GALK1: variants seen among roughly 807,000 people sequenced by gnomAD.
The protein encoded by GALK1 is galactokinase 1.
In GALK1, 30 loss-of-function variants were observed where a neutral mutation model predicts 38.6. The observed-to-expected ratio is 0.78, with a 90% confidence interval of 0.58 to 1.05. GALK1 has a LOEUF of 1.05. Ranked by LOEUF, GALK1 falls within the 50% of genes least tolerant of loss-of-function variation. The pLI is 0.00. For missense variants in GALK1, 512 were observed against 540.5 expected (o/e 0.95, Z 0.52); for synonymous variants, 240 against 233.6 (o/e 1.03, Z -0.25).
downstream of GALK1, chr17:75,757,516 C>T (rs1325482272): frequency 4.3e-6 from 7 of 1,613,326 alleles, no homozygotes; most frequent in African/African-American, 8.0e-5. Flanking sequence ...CCAGCGGAAC[C>T]CTTAGCACCC....
In GALK1 at chr17:75,763,979, T is replaced by C. The variant is rs2061599258; in HGVS notation, c.273A>G (p.Pro91=). The change falls in exon 2 of 8, where the codon CCA becomes CCG. Residue 91 remains proline, a synonymous_variant. Transcript: ENST00000588479. ...GADEPQRLQF[P]LPTAQRSLEP... is the part of the protein sequence containing the mutation. ...CCAGCGAGCGCTGGGCTGTGGGCAGTGGAAACTGCAGCCGCTGGGGCTCAT... is the reference window on the plus strand; with the variant it reads ...CCAGCGAGCGCTGGGCTGTGGGCAGCGGAAACTGCAGCCGCTGGGGCTCAT... 3 of 1,612,456 alleles carry C rather than the reference T, an allele frequency of 1.9e-6. No homozygotes were observed. The highest frequency in any genetic ancestry group is 1.3e-5 in the African/African-American group (1 of 74,798).
rs61735288 is a variant in GALK1 at position 75,752,477 on chromosome 17, C to T, written c.*23-740G>A. 5,333 of 1,613,638 alleles carry T rather than the reference C, an allele frequency of 3.3e-3. 10 individuals carry two copies. Among genetic ancestry groups the T allele is most frequent in the Non-Finnish European group, 3.7e-3 (4,365 of 1,180,020 alleles). ...TCATCCCTGACATCCCTATCGTGGA[C>T]GCCCAGAGCGGGGAGGACTACGACA... On this transcript the variant is annotated intron_variant, in intron 8 of 8. Coordinates refer to the GALK1 transcript ENST00000225614.
Position 75,764,074 on chromosome 17 carries a change from T to G in GALK1, c.178A>C (p.Met60Leu). The G allele has an allele frequency of 6.3e-7, 1 of 1,583,152 alleles. No individual in the cohort carries two copies. Among genetic ancestry groups the G allele is most frequent in the South Asian group, 1.1e-5 (1 of 88,210 alleles). Residue 60 changes from methionine to leucine, a missense_variant, in exon 2 of 8, where the codon ATG (methionine) becomes CTG (leucine). Met to Leu is a conservative substitution (Grantham distance 15). Transcript: ENST00000588479. Reference protein sequence around the residue: ...GLVLPMALELMTVLVGSPRKD... With the variant: ...GLVLPMALELLTVLVGSPRKD... ...CGGGGGCTGCCCACCAGCACCGTCA[T>G]GAGCTCCAGAGCCTGGCAGGAGAGA...
downstream of GALK1, chr17:75,755,868 C>T (rs769557830): frequency 5.4e-5 from 87 of 1,598,340 alleles, no homozygotes; most frequent in Non-Finnish European, 7.3e-5. Flanking sequence ...ATGGTGGCTG[C>T]CAGGCTGCGG....
At chr17:75,762,615 A>G in intron 5 of GALK1, 89 bp downstream of exon 5, 11 of 1,386,584 alleles carry the variant, frequency 7.9e-6, no homozygotes, top group South Asian at 1.2e-5. Context: ...GGCCCTGGAG[A>G]TCGGGGTCCC....
At chr17:75,755,229 C>T, downstream of GALK1, 1 of 1,596,124 alleles carries the variant, frequency 6.3e-7, no homozygotes, top group Non-Finnish European at 8.6e-7. Flanking sequence ...ACAGGGGTGG[C>T]CATCCTGTCT....
intron 5 of GALK1, among the ~76,000 whole-genome samples, chr17:75,759,907 G>T (rs1375646385): frequency 6.6e-6 from 1 of 152,198 alleles, no homozygotes; most frequent in Non-Finnish European, 1.5e-5. Context: ...AATCTGTCCA[G>T]ATGGGGTTCA....
Position 75,759,389 on chromosome 17 carries a change from C to CTGCAT in GALK1, c.794-791_794-790insATGCA, listed in dbSNP as rs552186460. 1.3e-4 allele frequency among the ~76,000 whole-genome samples: 19 copies of CTGCAT among 150,634 alleles called. No individual in the cohort carries two copies. In the South Asian group the frequency reaches 4.0e-3, roughly 32 times the overall value. Reference sequence around the variant, plus strand: ...GTTGCAGTGAGTGGAGATCATGCCACTGCACTTCAGCCTGGGTGACAGAGT... The same window carrying CTGCAT: ...GTTGCAGTGAGTGGAGATCATGCCACTGCATTGCACTTCAGCCTGGGTGACAGAGT... On this transcript the variant is annotated intron_variant, in intron 5 of 7. Coordinates refer to ENST00000588479, the MANE Select transcript of GALK1 (RefSeq NM_000154.2).
At position 75,765,065 on chromosome 17, in the gene GALK1, GAACT is replaced by G; in HGVS notation, c.68_71del (p.Glu23AlafsTer37). ...ACACGGCCAGCTCGGGCTCGGCCCCGAACTCCTCCCGGAAGGCTCGCCGGGCCTC... is the reference window on the plus strand; with the variant it reads ...ACACGGCCAGCTCGGGCTCGGCCCCGCCTCCCGGAAGGCTCGCCGGGCCTC... On this transcript the variant is annotated frameshift_variant, in exon 1 of 8. Coordinates refer to ENST00000588479, the MANE Select transcript of GALK1 (RefSeq NM_000154.2). LOFTEE classifies it high-confidence loss of function. 1 of 1,602,184 alleles carries G rather than the reference GAACT, an allele frequency of 6.2e-7. No homozygotes were observed. The highest frequency in any genetic ancestry group is 1.1e-5 in the South Asian group (1 of 89,638).
chr17:75,763,479 T>A (rs770495951), intron 2 of GALK1, 40 bp from the exon 3 acceptor site: 10 of 1,556,856 alleles, frequency 6.4e-6, no homozygotes, highest in Middle Eastern at 1.9e-4. Context: ...AGGGGCTGCC[T>A]GGGAGGATGG....
downstream of GALK1, chr17:75,755,337 C>T (rs2061472055): frequency 5.8e-6 from 6 of 1,030,928 alleles, no homozygotes; most frequent in Non-Finnish European, 7.0e-6. Context: ...CCCCCGCCTG[C>T]CCACAGGCGC....
intron 5 of GALK1, among the ~76,000 whole-genome samples, chr17:75,761,800 C>T (rs1037988029): frequency 6.6e-6 from 1 of 150,466 alleles, no homozygotes; most frequent in Non-Finnish European, 1.5e-5. Context: ...GGAGGATCAC[C>T]TGAGGTCAGG....
At position 75,764,098 on chromosome 17, in the gene GALK1, G is replaced by A. The variant is rs781159109; in HGVS notation, c.166-12C>T. ...ATGAGCTCCAGAGCCTGGCAGGAGAGACAAGCAGTACGTGAGGCTTCCGCC... is the reference window on the plus strand; with the variant it reads ...ATGAGCTCCAGAGCCTGGCAGGAGAAACAAGCAGTACGTGAGGCTTCCGCC... On this transcript the variant is annotated splice_polypyrimidine_tract_variant and intron_variant, in intron 1 of 7. Transcript: ENST00000588479. The A allele has an allele frequency of 1.3e-6, 2 of 1,568,000 alleles. No individual in the cohort carries two copies. Among genetic ancestry groups the A allele is most frequent in the Non-Finnish European group, 8.6e-7 (1 of 1,161,362 alleles).
downstream of GALK1, chr17:75,756,327 T>C: frequency 3.1e-6 from 4 of 1,285,794 alleles, no homozygotes; most frequent in Non-Finnish European, 3.3e-6. Flanking sequence ...TAGTCCTGGG[T>C]GGGTGATAAC....
downstream of GALK1, chr17:75,757,175 T>C (rs766519076): frequency 6.2e-7 from 1 of 1,611,996 alleles, no homozygotes; most frequent in Non-Finnish European, 8.5e-7. Flanking sequence ...CACCACCCTC[T>C]GACTGGCCTA....
At chr17:75,754,426 C>T (rs2061439485), downstream of GALK1, 3 of 945,282 alleles carry the variant, frequency 3.2e-6, no homozygotes, top group South Asian at 2.8e-5. Flanking sequence ...GACAGAGGGC[C>T]TCTGTCCCTA....
At chr17:75,755,931 G>C, downstream of GALK1, 1 of 1,520,442 alleles carries the variant, frequency 6.6e-7, no homozygotes, top group Middle Eastern at 2.3e-4. Flanking sequence ...TACCTCAGCT[G>C]TGTCAGGAAC....
chr17:75,757,492 C>T, downstream of GALK1: 1 of 1,613,022 alleles, frequency 6.2e-7, no homozygotes. Flanking sequence ...AGTTTGTGAG[C>T]CGGACACTGA....
At position 75,758,036 on chromosome 17, in the gene GALK1, T is replaced by G. The variant is rs541755348; in HGVS notation, c.*20A>C. 2 of 1,612,186 alleles carry G rather than the reference T, an allele frequency of 1.2e-6. No individual in the cohort carries two copies. Among genetic ancestry groups the G allele is most frequent in the South Asian group, 2.2e-5 (2 of 91,056 alleles). ...GCCTGCAGGCCCCGCACCCTCACCG[T>G]GTGCTGTCCTGGGGGTGCCTCACAA... On this transcript the variant is annotated 3_prime_UTR_variant, in exon 8 of 8. Transcript: ENST00000588479.
Sources: gnomAD v4.1 joint callset for allele counts (sites outside exome capture counted in the v4.1 genomes callset) on GRCh38, gnomAD v4.1.1 for gene constraint, MANE v1.5 for transcripts, NCBI Gene and HGNC (gene_info 2026-07-23, HGNC 2026-07-21) for gene names.